NFAT5: variants seen among roughly 807,000 people sequenced by gnomAD.
NFAT5 encodes the protein nuclear factor of activated T cells 5.
NFAT5 carries 31 observed loss-of-function variants against 166.5 expected under a neutral mutation model. The observed-to-expected ratio is 0.19, with a 90% CI of 0.14 to 0.25. NFAT5 has a LOEUF of 0.25. Among genes scored for constraint, NFAT5 ranks in the 10% least tolerant of loss-of-function variants. The probability of loss-of-function intolerance (pLI) is 1.00; values close to 1 mark genes in which losing one functional copy is unlikely to be tolerated. For synonymous variants in NFAT5, 612 were observed against 639.7 expected (o/e 0.96, Z 0.65); for missense variants, 1,449 against 1,821.8 (o/e 0.80, Z 3.72).
At chr16:69,597,621 T>C (rs933842767) in intron 2 of NFAT5, among the ~76,000 whole-genome samples, 2 of 151,458 alleles carry the variant, frequency 1.3e-5, no homozygotes, top group Non-Finnish European at 2.9e-5. Context: ...AGACAGAGTC[T>C]CGTTCTGTCA....
Position 69,590,355 on chromosome 16 carries a change from T to C in NFAT5, c.127+21807T>C, listed in dbSNP as rs1257879841. Among the ~76,000 whole-genome samples the C allele has an allele frequency of 7.9e-5, 12 of 152,198 alleles. 1 individual carries two copies. The highest frequency in any genetic ancestry group is 7.9e-4 in the Admixed American group (12 of 15,274). ...GCAACAAAGTTATTTCCAAATACTT[T>C]TAGGTTTGGATATTTAAAGTGCTAT... On this transcript the variant is annotated intron_variant, in intron 2 of 14. Transcript: ENST00000349945.
At chr16:69,629,768 AT>A (rs761809860) in intron 3 of NFAT5, among the ~76,000 whole-genome samples, 373 of 111,722 alleles carry the variant, frequency 3.3e-3, no homozygotes, top group East Asian at 0.026. Flanking sequence ...CACTGGGCTA[AT>A]TTTTTTTTTT....
chr16:69,682,504 C>G (rs894492686), intron 10 of NFAT5, among the ~76,000 whole-genome samples: 43 of 151,888 alleles, frequency 2.8e-4, no homozygotes, highest in African/African-American at 1.0e-3. Flanking sequence ...CCTGTAGTCC[C>G]AGCTACTTGG....
intron 6 of NFAT5, among the ~76,000 whole-genome samples, chr16:69,656,785 T>C (rs2035899952): frequency 1.3e-5 from 2 of 152,218 alleles, no homozygotes; most frequent in South Asian, 4.1e-4. Context: ...TGAAGTGCCT[T>C]ATTCCATCTT....
intron 10 of NFAT5, among the ~76,000 whole-genome samples, chr16:69,680,335 C>T (rs555565461): frequency 4.9e-4 from 75 of 152,080 alleles, no homozygotes; most frequent in Non-Finnish European, 7.9e-4. Flanking sequence ...GTTTTGCTAT[C>T]CTGAAAACAC....
intron 2 of NFAT5, among the ~76,000 whole-genome samples, chr16:69,623,734 C>G (rs541561035): frequency 1.3e-4 from 19 of 151,518 alleles, no homozygotes; most frequent in Non-Finnish European, 2.4e-4. Flanking sequence ...CTCGAACTCC[C>G]TACCTCAGGT....
chr16:69,613,983 AT>A (rs1176663129), intron 2 of NFAT5, among the ~76,000 whole-genome samples: 1 of 152,248 alleles, frequency 6.6e-6, no homozygotes, highest in Non-Finnish European at 1.5e-5. Flanking sequence ...CAAACAAGTA[AT>A]TATATGACCA....
At chr16:69,581,042 T>A (rs934423830) in intron 2 of NFAT5, among the ~76,000 whole-genome samples, 4 of 152,118 alleles carry the variant, frequency 2.6e-5, no homozygotes, top group African/African-American at 9.7e-5. Flanking sequence ...ATTTTGTTTG[T>A]TTGTTTGTTT....
intron 7 of NFAT5, among the ~76,000 whole-genome samples, chr16:69,663,621 G>C (rs996718086): frequency 4.1e-5 from 6 of 147,048 alleles, no homozygotes; most frequent in Non-Finnish European, 8.9e-5. Flanking sequence ...TGTAATACCA[G>C]CACTTTGGGA....
chr16:69,615,392 T>A (rs2033897279), intron 2 of NFAT5, among the ~76,000 whole-genome samples: 1 of 152,104 alleles, frequency 6.6e-6, no homozygotes, highest in Non-Finnish European at 1.5e-5. Flanking sequence ...TTTGAGTACT[T>A]TCTTACCTTT....
chr16:69,574,027 A>C (rs893642541), intron 2 of NFAT5, among the ~76,000 whole-genome samples: 1 of 151,924 alleles, frequency 6.6e-6, no homozygotes, highest in Non-Finnish European at 1.5e-5. Flanking sequence ...GCGCACCACC[A>C]CACCTGGCTA....
intron 2 of NFAT5, among the ~76,000 whole-genome samples, chr16:69,617,897 C>G (rs1204755962): frequency 6.6e-6 from 1 of 152,092 alleles, no homozygotes; most frequent in African/African-American, 2.4e-5. Context: ...TGGCTCATGC[C>G]TATAATCCCA....
At position 69,647,101 on chromosome 16, in the gene NFAT5, C is replaced by T. The variant is rs753363604; in HGVS notation, c.327C>T (p.Thr109=). 31 of 1,613,054 alleles carry T rather than the reference C, an allele frequency of 1.9e-5. No individual in the cohort carries two copies. The highest frequency in any genetic ancestry group is 2.6e-5 in the Non-Finnish European group (31 of 1,179,342). Residue 109 remains threonine (T), a synonymous_variant, in exon 4 of 15, where the codon ACC becomes ACT. Coordinates refer to ENST00000349945, the MANE Select transcript of NFAT5 (RefSeq NM_138713.4). This position sits in a 1 kb window ranked among gnomAD's most constrained non-coding sequence, Gnocchi z 4.8. The stretch of plus-strand genomic sequence containing the variant: ...CCTTTACCACCTCTTCCAGCCCTAC[C>T]ATTTATTCTACCTCAGTCACCGACA... ...CSSFTTSSSP[T]IYSTSVTDSK... is the part of the protein sequence containing the mutation.
At chr16:69,586,662 C>T (rs7187272) in intron 2 of NFAT5, among the ~76,000 whole-genome samples, 6,620 of 152,108 alleles carry the variant, frequency 0.044, 491 homozygotes, top group African/African-American at 0.15. Flanking sequence ...CTCAGCCTCC[C>T]GAAGTGCTGA....
At chr16:69,676,662 A>T (rs2036845390) in intron 9 of NFAT5, among the ~76,000 whole-genome samples, 1 of 152,202 alleles carries the variant, frequency 6.6e-6, no homozygotes, top group African/African-American at 2.4e-5. Context: ...AAAAACAAGC[A>T]AATAGGGTAA....
intron 2 of NFAT5, among the ~76,000 whole-genome samples, chr16:69,612,211 G>T (rs1425577195): frequency 6.6e-6 from 1 of 152,130 alleles, no homozygotes; most frequent in South Asian, 2.1e-4. Flanking sequence ...AGTGTCTCTT[G>T]TAAGTAGCGT....
At chr16:69,674,241 CA>C (rs59975972) in intron 9 of NFAT5, among the ~76,000 whole-genome samples, 14,225 of 71,384 alleles carry the variant, frequency 0.2, 598 homozygotes, top group Non-Finnish European at 0.22. Context: ...GAAACTGTCT[CA>C]AAAAAAAAAA....
At chr16:69,615,102 C>T (rs1350420862) in intron 2 of NFAT5, among the ~76,000 whole-genome samples, 6 of 145,120 alleles carry the variant, frequency 4.1e-5, no homozygotes, top group Non-Finnish European at 7.5e-5. Context: ...AGTGCAGTGG[C>T]GCGACCTCGG....
At position 69,692,942 on chromosome 16, in the gene NFAT5, T is replaced by A. The variant is rs1464661641; in HGVS notation, c.3117T>A (p.Val1039=). 2.5e-6 allele frequency: 4 copies of A among 1,614,078 alleles called. No individual in the cohort carries two copies. The highest frequency in any genetic ancestry group is 3.4e-6 in the Non-Finnish European group (4 of 1,180,032). The change falls in exon 13 of 15, where the codon GTT becomes GTA. Residue 1039 remains valine (V), a synonymous_variant. Coordinates refer to ENST00000349945, the MANE Select transcript of NFAT5 (RefSeq NM_138713.4). ...ATAGTGGGGACAATCAACCTCAAGT[T>A]AACCTTTTTTCATCCACAAAAAGTA... The part of the protein sequence containing the change: ...MQHSGDNQPQ[V]NLFSSTKSMM...
Sources: allele counts gnomAD v4.1 joint callset (sites outside exome capture counted in the v4.1 genomes callset), GRCh38; gene constraint gnomAD v4.1.1; non-coding constraint Gnocchi (gnomAD v3.1); transcripts MANE v1.5; gene names NCBI Gene and HGNC (gene_info 2026-07-23, HGNC 2026-07-21).